The following MCC variants were observed in gnomAD, a reference collection of about 807,000 sequenced individuals.
The protein encoded by MCC is colorectal mutant cancer protein.
In MCC, 90 loss-of-function variants were observed where a neutral mutation model predicts 116.2. The ratio of observed to expected loss-of-function variants is 0.77; its 90% confidence interval spans 0.65 to 0.92. The LOEUF (loss-of-function observed/expected upper bound fraction) is 0.92, where lower values mean the gene tolerates loss of function less well. MCC is among the 40% of genes least tolerant of loss of function. MCC has a pLI of 0.00. For synonymous variants in MCC, 578 were observed against 510.5 expected, an observed-to-expected ratio of 1.13 and a Z score of -1.78; for missense variants, 1,516 against 1,312.2, an observed-to-expected ratio of 1.16 and a Z score of -2.40.
intron 6 of MCC, among the ~76,000 whole-genome samples, chr5:113,110,941 C>T (rs1261442257): frequency 6.6e-6 from 1 of 152,218 alleles, no homozygotes; most frequent in African/African-American, 2.4e-5. Context: ...GAGGGGCCAG[C>T]CGCAGACCCC....
chr5:113,100,947 A>G lies in MCC; in HGVS notation c.1398+792T>C, dbSNP rs543367961. On this transcript the variant is annotated intron_variant, in intron 8 of 18. Coordinates refer to ENST00000408903, the MANE Select transcript of MCC (RefSeq NM_001085377.2). ...TTGAGGAATTCATTGCTTCACCCCC[A>G]GTCCAATCACAGATCAAACTCACAG... is the stretch of plus-strand genomic sequence containing the variant. Among the ~76,000 whole-genome samples the G allele has an allele frequency of 5.9e-5, 9 of 152,330 alleles. No individual in the cohort carries two copies. In the East Asian group the frequency reaches 1.5e-3, roughly 26 times the overall value.
At chr5:113,405,621 C>A (rs1262418225) in intron 1 of MCC, among the ~76,000 whole-genome samples, 1 of 151,478 alleles carries the variant, frequency 6.6e-6, no homozygotes, top group African/African-American at 2.4e-5. Context: ...AGACATCCGC[C>A]CCCCAACCCC....
chr5:113,284,854 G>A (rs997671486), intron 3 of MCC, among the ~76,000 whole-genome samples: 1 of 152,172 alleles, frequency 6.6e-6, no homozygotes, highest in South Asian at 2.1e-4. Context: ...TGATATTAAA[G>A]TTCATAAAAA....
chr5:113,143,374 A>G lies in MCC; in HGVS notation c.742-14T>C. ...GGACTGCTCGCACTGGGAATAAGGG[A>G]AAAGGACAGAAGTGCTGATGAATTC... On this transcript the variant is annotated splice_polypyrimidine_tract_variant and intron_variant, in intron 4 of 18. Transcript: ENST00000408903. The G allele has an allele frequency of 6.2e-7, 1 of 1,613,036 alleles. No individual in the cohort carries two copies. Among genetic ancestry groups the G allele is most frequent in the Non-Finnish European group, 8.5e-7 (1 of 1,179,652 alleles).
intron 3 of MCC, among the ~76,000 whole-genome samples, chr5:113,175,239 A>G (rs546359335): frequency 7.9e-5 from 12 of 152,348 alleles, no homozygotes; most frequent in African/African-American, 2.6e-4. Context: ...TGCAAATGTA[A>G]AAGTATCTCA....
chr5:113,100,372 T>C (rs963048026), intron 8 of MCC, among the ~76,000 whole-genome samples: 6 of 150,994 alleles, frequency 4.0e-5, no homozygotes, highest in Non-Finnish European at 8.8e-5. Context: ...CGTTGAAGCA[T>C]AGAAGAGCAA....
At chr5:113,076,212 G>A (rs569093537) in intron 11 of MCC, among the ~76,000 whole-genome samples, 2 of 152,268 alleles carry the variant, frequency 1.3e-5, no homozygotes, top group Admixed American at 6.5e-5. Context: ...TGGGGAGAAT[G>A]GAACCAAGCT....
chr5:113,404,462 C>G (rs1429914387), intron 1 of MCC, among the ~76,000 whole-genome samples: 9 of 152,154 alleles, frequency 5.9e-5, no homozygotes, highest in African/African-American at 2.2e-4. Flanking sequence ...AAACGCCCAC[C>G]AGTGACAAAG....
chr5:113,158,003 G>T (rs924584886), intron 3 of MCC, among the ~76,000 whole-genome samples: 1 of 152,244 alleles, frequency 6.6e-6, no homozygotes, highest in African/African-American at 2.4e-5. Context: ...TGGCTAATGG[G>T]TGGGGAGCAC....
At chr5:113,233,473 T>A (rs996838653) in intron 3 of MCC, among the ~76,000 whole-genome samples, 3 of 152,206 alleles carry the variant, frequency 2.0e-5, no homozygotes, top group African/African-American at 7.2e-5. Context: ...TGCAATGAAG[T>A]TTCCTTAAAA....
intron 1 of MCC, among the ~76,000 whole-genome samples, chr5:113,389,163 CT>C (rs2150394873): frequency 6.6e-6 from 1 of 152,304 alleles, no homozygotes; most frequent in African/African-American, 2.4e-5. Flanking sequence ...TATAAAAGCT[CT>C]CCTTTATATC....
chr5:113,132,437 TATATATACAC>T (rs1220876616), intron 5 of MCC, among the ~76,000 whole-genome samples: 2 of 75,598 alleles, frequency 2.6e-5, no homozygotes, highest in African/African-American at 4.5e-5. Flanking sequence ...CATATATATA[TATATATACAC>T]ACACACACAC....
intron 3 of MCC, among the ~76,000 whole-genome samples, chr5:113,196,557 T>G (rs1194885212): frequency 6.6e-6 from 1 of 152,180 alleles, no homozygotes; most frequent in African/African-American, 2.4e-5. Flanking sequence ...AATGTTAATT[T>G]AAAAAATACT....
Position 113,482,842 on chromosome 5 carries a change from G to T in MCC, c.170+5403C>A, listed in dbSNP as rs1234449820. Among the ~76,000 whole-genome samples, 8 of 152,208 alleles carry T rather than the reference G, an allele frequency of 5.3e-5. No homozygotes were observed. In the East Asian group the frequency reaches 1.4e-3, roughly 26 times the overall value. ...CCATTGCCAAATCGAAGTTCACAAA[G>T]ATTTAGCTCTATTTTTTCTTCTAAA... On this transcript the variant is annotated intron_variant, in intron 1 of 18. Coordinates refer to ENST00000408903, the MANE Select transcript of MCC (RefSeq NM_001085377.2).
At chr5:113,433,336 T>A in intron 1 of MCC, 1 of 336,848 alleles carries the variant, frequency 3.0e-6, no homozygotes, top group South Asian at 2.7e-5. Context: ...CCCAGCAGGG[T>A]CACGCAACTG....
At chr5:113,473,667 T>C (rs1248096191) in intron 1 of MCC, among the ~76,000 whole-genome samples, 1 of 152,178 alleles carries the variant, frequency 6.6e-6, no homozygotes, top group African/African-American at 2.4e-5. Flanking sequence ...CACTTAGGAA[T>C]TGACAAAAAA....
Position 113,043,714 on chromosome 5 carries a change from C to A in MCC, c.2656-84G>T, listed in dbSNP as rs1561746690. 1.1e-5 allele frequency: 10 copies of A among 928,090 alleles called. No homozygotes were observed. The South Asian group carries it at 1.4e-4, about 13-fold the overall frequency. The allele number at this position is 928,090 out of a possible 1,614,324, so 57.5% of individuals were successfully genotyped here. On this transcript the variant is annotated intron_variant, in intron 16 of 18. Coordinates refer to ENST00000408903, the MANE Select transcript of MCC (RefSeq NM_001085377.2). ...GCCTGCAGCAGAGCGCGGTAGGTGGCTCGTGCAGTGATGGCAGCAGTGTGG... is the reference window on the plus strand; with the variant it reads ...GCCTGCAGCAGAGCGCGGTAGGTGGATCGTGCAGTGATGGCAGCAGTGTGG...
At chr5:113,245,796 T>G (rs1299477599) in intron 3 of MCC, among the ~76,000 whole-genome samples, 1 of 152,116 alleles carries the variant, frequency 6.6e-6, no homozygotes, top group Non-Finnish European at 1.5e-5. Context: ...CATAAAGAAC[T>G]CATACTGTGA....
intron 3 of MCC, among the ~76,000 whole-genome samples, chr5:113,335,417 G>C (rs985533075): frequency 1.3e-5 from 2 of 151,624 alleles, no homozygotes; most frequent in African/African-American, 2.4e-5. Flanking sequence ...TAAAAACCAA[G>C]TAGTATAGCT....
Sources: allele counts gnomAD v4.1 joint callset (sites outside exome capture counted in the v4.1 genomes callset), GRCh38; gene constraint gnomAD v4.1.1; transcripts MANE v1.5; gene names NCBI Gene and HGNC (gene_info 2026-07-23, HGNC 2026-07-21).